The following NRXN1 variants were observed in gnomAD, a reference collection of about 807,000 sequenced individuals.
NRXN1 encodes neurexin 1, also known as neurexin-1.
A neutral mutation model predicts 150.9 loss-of-function variants in NRXN1; 39 were observed. The ratio of observed to expected loss-of-function variants is 0.26; its 90% CI spans 0.20 to 0.34. The LOEUF is 0.34. Ranked by LOEUF, NRXN1 falls within the 10% of genes least tolerant of loss-of-function variation. The pLI is 1.00. For missense variants in NRXN1, 1,815 were observed against 1,949.9 expected, an observed-to-expected ratio of 0.93 and a Z score of 1.30; for synonymous variants, 924 against 757.0, an observed-to-expected ratio of 1.22 and a Z score of -3.62.
At chr2:50,264,613 G>A (rs1256008119) in intron 17 of NRXN1, among the ~76,000 whole-genome samples, 1 of 152,040 alleles carries the variant, frequency 6.6e-6, no homozygotes, top group Non-Finnish European at 1.5e-5. Context: ...TGAATGAGAA[G>A]TAGGCTGTCA....
At chr2:50,682,248 G>A (rs891776632) in intron 5 of NRXN1, among the ~76,000 whole-genome samples, 7 of 152,178 alleles carry the variant, frequency 4.6e-5, no homozygotes, top group Non-Finnish European at 1.0e-4. Context: ...GGAAGATGAT[G>A]AGCAAGTAGC....
intron 5 of NRXN1, among the ~76,000 whole-genome samples, chr2:50,780,600 G>T (rs1403898292): frequency 2.0e-5 from 3 of 152,050 alleles, no homozygotes; most frequent in Non-Finnish European, 4.4e-5. Context: ...CTTCCAAAGA[G>T]TTATACTGAT....
intron 2 of NRXN1, among the ~76,000 whole-genome samples, chr2:50,944,066 A>G (rs749370994): frequency 4.6e-5 from 7 of 152,210 alleles, no homozygotes; most frequent in Non-Finnish European, 1.0e-4. Context: ...GTTTTTGTTT[A>G]GACAGAATTA....
At chr2:50,023,059 T>C (rs1687800052) in intron 21 of NRXN1, 1 of 152,178 alleles carries the variant, frequency 6.6e-6, no homozygotes, top group Admixed American at 6.5e-5. Context: ...GAAACAAGAA[T>C]GCACTGAAGA....
intron 18 of NRXN1, among the ~76,000 whole-genome samples, chr2:50,141,788 T>A (rs1021316423): frequency 6.6e-6 from 1 of 151,998 alleles, no homozygotes; most frequent in Non-Finnish European, 1.5e-5. Flanking sequence ...ATGTCTACCA[T>A]CTAAAAGACA....
chr2:50,962,187 T>C (rs748224738), intron 2 of NRXN1, among the ~76,000 whole-genome samples: 1 of 151,730 alleles, frequency 6.6e-6, no homozygotes, highest in Non-Finnish European at 1.5e-5. Flanking sequence ...CATGCCAATG[T>C]ATTCTACATC....
intron 18 of NRXN1, among the ~76,000 whole-genome samples, chr2:50,204,557 G>A (rs2062427107): frequency 6.6e-6 from 1 of 152,006 alleles, no homozygotes; most frequent in African/African-American, 2.4e-5. Context: ...TTAACCTTTA[G>A]AAGGGGCCTT....
intron 17 of NRXN1, among the ~76,000 whole-genome samples, chr2:50,350,778 A>G (rs1244529403): frequency 1.3e-5 from 2 of 152,118 alleles, no homozygotes; most frequent in Non-Finnish European, 2.9e-5. Context: ...CTTGGGAGAT[A>G]AAGGCAGGGT....
chr2:50,610,837 C>G (rs1259333638), intron 8 of NRXN1, among the ~76,000 whole-genome samples: 1 of 148,158 alleles, frequency 6.7e-6, no homozygotes, highest in Non-Finnish European at 1.5e-5. Context: ...TTGTCATCCA[C>G]GCTGGAGTGT....
intron 21 of NRXN1, among the ~76,000 whole-genome samples, chr2:50,036,991 A>T (rs1228500522): frequency 2.0e-5 from 3 of 152,176 alleles, no homozygotes; most frequent in Admixed American, 6.6e-5. Context: ...TTATGAGCTA[A>T]ATAAAAGGCT....
chr2:50,222,339 A>T (rs1034577829), intron 18 of NRXN1, among the ~76,000 whole-genome samples: 4 of 152,012 alleles, frequency 2.6e-5, no homozygotes, highest in African/African-American at 9.7e-5. Context: ...ACACACTCAA[A>T]TTAAATACAC....
intron 5 of NRXN1, among the ~76,000 whole-genome samples, chr2:50,860,581 A>G (rs1675985119): frequency 6.6e-6 from 1 of 152,062 alleles, no homozygotes; most frequent in South Asian, 2.1e-4. Context: ...GAGGACATTA[A>G]CCAGCTCTTA....
intron 5 of NRXN1, among the ~76,000 whole-genome samples, chr2:50,677,234 T>C (rs948350073): frequency 6.7e-6 from 1 of 148,782 alleles, no homozygotes; most frequent in South Asian, 2.1e-4. Context: ...GTGTTTTTTG[T>C]TCTAGCTCTG....
At chr2:50,267,324 C>T (rs78678330) in intron 17 of NRXN1, among the ~76,000 whole-genome samples, 3,558 of 152,198 alleles carry the variant, frequency 0.023, 133 homozygotes, top group African/African-American at 0.081. Context: ...CTCAGAAATA[C>T]TATGTTAAAT....
intron 5 of NRXN1, among the ~76,000 whole-genome samples, chr2:50,838,460 T>C (rs183400923): frequency 7.5e-4 from 114 of 152,214 alleles, no homozygotes; most frequent in African/African-American, 2.6e-3. Context: ...CTGGGTTGAA[T>C]TGTGGCACCC....
chr2:50,437,840 T>C (rs1488225669), intron 17 of NRXN1, among the ~76,000 whole-genome samples: 1 of 152,226 alleles, frequency 6.6e-6, no homozygotes, highest in Non-Finnish European at 1.5e-5. Context: ...TTGCATCCTC[T>C]GAGCCAGAAA....
chr2:50,304,195 A>T (rs566039555), intron 17 of NRXN1, among the ~76,000 whole-genome samples: 3 of 152,302 alleles, frequency 2.0e-5, no homozygotes, highest in African/African-American at 7.2e-5. Flanking sequence ...GGGCACACCG[A>T]AATAAATTGT....
At position 50,158,064 on chromosome 2, in the gene NRXN1, AGTGTGTGT is replaced by A. The variant is rs71401060; in HGVS notation, c.3547-66578_3547-66571del. Among the ~76,000 whole-genome samples, 518 of 134,046 alleles carry A rather than the reference AGTGTGTGT, an allele frequency of 3.9e-3. 1 individual carries two copies. The highest frequency in any genetic ancestry group is 0.017 in the South Asian group (67 of 3,974). The allele number at this position is 134,046 out of a possible 152,430, so 87.9% of individuals were successfully genotyped here. ...CTTCAGGAATATTTATAAGAAGTTGAGTGTGTGTGTGTGTGTGTGTGTGTGTGTGTGTG... is the reference window on the plus strand; with the variant it reads ...CTTCAGGAATATTTATAAGAAGTTGAGTGTGTGTGTGTGTGTGTGTGTGTG... On this transcript the variant is annotated intron_variant, in intron 18 of 22. Coordinates refer to ENST00000401669, the MANE Select transcript of NRXN1 (RefSeq NM_001330078.2).
At chr2:50,314,142 T>C (rs2075402395) in intron 17 of NRXN1, among the ~76,000 whole-genome samples, 1 of 152,098 alleles carries the variant, frequency 6.6e-6, no homozygotes, top group Non-Finnish European at 1.5e-5. Flanking sequence ...ATCTTAATAA[T>C]GGAAGATCTT....
Sources: gnomAD v4.1 joint callset for allele counts (sites outside exome capture counted in the v4.1 genomes callset) on GRCh38, gnomAD v4.1.1 for gene constraint, MANE v1.5 for transcripts, NCBI Gene and HGNC (gene_info 2026-07-23, HGNC 2026-07-21) for gene names.